The following GRK5 variants were observed in gnomAD, a reference collection of about 807,000 sequenced individuals.
GRK5 encodes g protein-coupled receptor kinase GRK5.
GRK5 carries 40 observed loss-of-function variants against 78.4 expected under a neutral mutation model. The observed-to-expected ratio is 0.51, with a 90% CI of 0.40 to 0.66. The LOEUF is 0.66. Among genes scored for constraint, GRK5 ranks in the 30% least tolerant of loss-of-function variants. The pLI is 0.00. For missense variants in GRK5, 598 were observed against 759.9 expected, an observed-to-expected ratio of 0.79 and a Z score of 2.50; for synonymous variants, 289 against 296.8, an observed-to-expected ratio of 0.97 and a Z score of 0.27.
At chr10:119,454,882 C>A in intron 15 of GRK5, 87 bp from the exon 16 acceptor site, 1 of 826,680 alleles carries the variant, frequency 1.2e-6, no homozygotes, top group Non-Finnish European at 2.1e-6. Flanking sequence ...AGGGTTGGAG[C>A]AGGCAGAGGC....
intron 1 of GRK5, among the ~76,000 whole-genome samples, chr10:119,259,344 G>A (rs148879768): frequency 6.5e-3 from 986 of 152,170 alleles, no homozygotes; most frequent in Non-Finnish European, 0.011. Flanking sequence ...GATTACAGGC[G>A]TGAGCCACTG....
intron 1 of GRK5, among the ~76,000 whole-genome samples, chr10:119,263,789 G>A (rs925391766): frequency 2.0e-5 from 3 of 152,216 alleles, no homozygotes; most frequent in Non-Finnish European, 4.4e-5. Flanking sequence ...AGCCGGGCGT[G>A]GTGGCGGGCG....
At chr10:119,275,585 A>ACACTCTCT (rs1849654852) in intron 1 of GRK5, among the ~76,000 whole-genome samples, 1 of 94,812 alleles carries the variant, frequency 1.1e-5, no homozygotes, top group African/African-American at 4.2e-5. Flanking sequence ...GTGCGTGTGC[A>ACACTCTCT]CGCTCTCTCT....
chr10:119,397,168 T>C (rs1327534228), intron 4 of GRK5, among the ~76,000 whole-genome samples: 1 of 151,954 alleles, frequency 6.6e-6, no homozygotes, highest in Non-Finnish European at 1.5e-5. Context: ...GTGTTGGGGG[T>C]TGACTGGGAG....
chr10:119,454,473 G>A (rs1029719527), intron 15 of GRK5, among the ~76,000 whole-genome samples: 18 of 152,322 alleles, frequency 1.2e-4, no homozygotes, highest in African/African-American at 4.3e-4. Context: ...GAAGGGCCCA[G>A]CACTCACGGG....
intron 2 of GRK5, among the ~76,000 whole-genome samples, chr10:119,365,185 T>C (rs111341862): frequency 2.6e-5 from 4 of 152,370 alleles, no homozygotes; most frequent in African/African-American, 9.6e-5. Flanking sequence ...ATGTTTTAGG[T>C]TCTCCATGCT....
At chr10:119,429,828 G>A (rs146151197) in intron 6 of GRK5, among the ~76,000 whole-genome samples, 77 of 152,202 alleles carry the variant, frequency 5.1e-4, no homozygotes, top group Non-Finnish European at 8.1e-4. Context: ...TCCTGAGGCC[G>A]GGTCTTCTGG....
Position 119,453,309 on chromosome 10 carries a change from C to T in GRK5, c.1674+33C>T, listed in dbSNP as rs191085138. 999 of 1,612,112 alleles carry T rather than the reference C, an allele frequency of 6.2e-4. 5 individuals carry two copies. The highest frequency in any genetic ancestry group is 4.3e-3 in the East Asian group (193 of 44,866). Reference sequence around the variant, plus strand: ...ACCCATGCCTGGCCAGTCCTGGCATCAGCTCCGAGACCCCTGGCTCACTTC... The same window carrying T: ...ACCCATGCCTGGCCAGTCCTGGCATTAGCTCCGAGACCCCTGGCTCACTTC... On this transcript the variant is annotated intron_variant, in intron 15 of 15. Coordinates refer to ENST00000392870, the MANE Select transcript of GRK5 (RefSeq NM_005308.3).
chr10:119,346,650 G>A (rs547675262), intron 2 of GRK5, among the ~76,000 whole-genome samples: 5 of 152,268 alleles, frequency 3.3e-5, no homozygotes, highest in African/African-American at 7.2e-5. Context: ...CCAGCTGCAC[G>A]TGCCACCTGG....
At chr10:119,318,516 A>C (rs957157173) in intron 1 of GRK5, among the ~76,000 whole-genome samples, 3 of 152,152 alleles carry the variant, frequency 2.0e-5, no homozygotes, top group Non-Finnish European at 4.4e-5. Context: ...CGTCCACATC[A>C]CCAGTATTGC....
chr10:119,453,364 AC>A, intron 15 of GRK5, 88 bp downstream of exon 15: 2 of 1,495,282 alleles, frequency 1.3e-6, no homozygotes, highest in South Asian at 2.3e-5. Context: ...CACAGTAGAG[AC>A]CCTTGGAAGG....
chr10:119,448,333 C>A, intron 13 of GRK5, 73 bp downstream of exon 13: 1 of 1,493,104 alleles, frequency 6.7e-7, no homozygotes, highest in Non-Finnish European at 9.0e-7. Context: ...TGCTGCCTCA[C>A]AGTGAGCTGG....
At chr10:119,278,180 A>G (rs2133685116) in intron 1 of GRK5, among the ~76,000 whole-genome samples, 1 of 152,084 alleles carries the variant, frequency 6.6e-6, no homozygotes, top group African/African-American at 2.4e-5. Context: ...AGCTTCCCCA[A>G]TTCTCCTGTG....
chr10:119,376,668 C>T (rs895404369), intron 2 of GRK5, among the ~76,000 whole-genome samples: 2 of 150,878 alleles, frequency 1.3e-5, no homozygotes, highest in Non-Finnish European at 2.9e-5. Flanking sequence ...AGGTTCAAGC[C>T]ATTCTTCTGC....
At chr10:119,446,849 G>C (rs962244814) in intron 12 of GRK5, among the ~76,000 whole-genome samples, 2 of 152,136 alleles carry the variant, frequency 1.3e-5, no homozygotes, top group African/African-American at 4.8e-5. Flanking sequence ...CACTCTCCCC[G>C]GCGTCCCCAG....
intron 1 of GRK5, among the ~76,000 whole-genome samples, chr10:119,274,668 T>C (rs1431010390): frequency 1.3e-5 from 2 of 152,224 alleles, no homozygotes; most frequent in Non-Finnish European, 2.9e-5. Context: ...TGCCCACAGC[T>C]GGAGGCAAAG....
intron 1 of GRK5, among the ~76,000 whole-genome samples, chr10:119,241,006 G>C (rs1454023270): frequency 2.0e-5 from 3 of 152,194 alleles, no homozygotes; most frequent in Non-Finnish European, 2.9e-5. Context: ...GATTGTGCCG[G>C]GGGCTCTCAA....
chr10:119,428,412 G>C (rs1852746183), intron 6 of GRK5, among the ~76,000 whole-genome samples: 1 of 152,214 alleles, frequency 6.6e-6, no homozygotes, highest in Non-Finnish European at 1.5e-5. Context: ...CCCAGAGGGG[G>C]GCATGCCCTT....
intron 1 of GRK5, among the ~76,000 whole-genome samples, chr10:119,325,157 G>A (rs1241455682): frequency 6.6e-6 from 1 of 152,230 alleles, no homozygotes; most frequent in Non-Finnish European, 1.5e-5. Context: ...AGGATAGCTT[G>A]GATGACAGTT....
Sources: gnomAD v4.1 joint callset for allele counts (sites outside exome capture counted in the v4.1 genomes callset) on GRCh38, gnomAD v4.1.1 for gene constraint, MANE v1.5 for transcripts, NCBI Gene and HGNC (gene_info 2026-07-23, HGNC 2026-07-21) for gene names.